PRDM10: variants seen among roughly 807,000 people sequenced by gnomAD.
PRDM10 encodes PR/SET domain 10.
PRDM10 carries 65 observed loss-of-function variants against 133.1 expected under a neutral mutation model. The observed-to-expected ratio is 0.49, with a 90% CI of 0.40 to 0.60. The LOEUF (loss-of-function observed/expected upper bound fraction) is 0.60. Ranked by LOEUF, PRDM10 falls within the 20% of genes least tolerant of loss-of-function variation. The pLI, the probability that PRDM10 is intolerant of heterozygous loss-of-function variation, is 0.00. For missense variants in PRDM10, 1,137 were observed against 1,507.1 expected, an observed-to-expected ratio of 0.75 and a Z score of 4.07; for synonymous variants, 582 against 580.4, an observed-to-expected ratio of 1.00 and a Z score of -0.04.
chr11:129,932,019 G>C lies in PRDM10; in HGVS notation c.1287+83C>G, dbSNP rs1950883785. On this transcript the variant is annotated intron_variant, in intron 10 of 20. Transcript: ENST00000360871. Reference sequence around the variant, plus strand: ...GGAAAGGTCTACAAACATTGGGAAGGTCTTTGTACTTAGGTCTCGTCAGGG... The same window carrying C: ...GGAAAGGTCTACAAACATTGGGAAGCTCTTTGTACTTAGGTCTCGTCAGGG... 2.7e-6 allele frequency: 4 copies of C among 1,484,438 alleles called. No individual in the cohort carries two copies. The South Asian group carries it at 5.1e-5, about 19-fold the overall frequency. The allele number at this position is 1,484,438 out of a possible 1,614,324, so 92.0% of individuals were successfully genotyped here. A position where few individuals can be genotyped will look rare whatever the true frequency, so the allele number is the denominator to read the frequency against.
At chr11:129,906,309 C>G (rs998824857) in intron 19 of PRDM10, among the ~76,000 whole-genome samples, 1 of 152,100 alleles carries the variant, frequency 6.6e-6, no homozygotes, top group Non-Finnish European at 1.5e-5. Context: ...TCGTGTCTTC[C>G]CAGCACACAA....
intron 1 of PRDM10, among the ~76,000 whole-genome samples, chr11:130,001,241 G>C (rs1191286976): frequency 1.3e-5 from 2 of 152,004 alleles, no homozygotes; most frequent in Non-Finnish European, 2.9e-5. Flanking sequence ...AATAAGTACT[G>C]CTCATCAAAG....
intron 1 of PRDM10, among the ~76,000 whole-genome samples, chr11:129,966,332 G>C (rs182345765): frequency 1.3e-5 from 2 of 152,104 alleles, no homozygotes. Flanking sequence ...GTATTTCATC[G>C]AGTCTACAAA....
chr11:129,969,894 A>G (rs1951982418), intron 1 of PRDM10, among the ~76,000 whole-genome samples: 2 of 152,136 alleles, frequency 1.3e-5, no homozygotes, highest in African/African-American at 4.8e-5. Flanking sequence ...CACCTTCTAA[A>G]CTCATACTTA....
chr11:129,999,589 C>T (rs1939233928), intron 1 of PRDM10, among the ~76,000 whole-genome samples: 1 of 152,102 alleles, frequency 6.6e-6, no homozygotes, highest in African/African-American at 2.4e-5. Context: ...AACACTGCAA[C>T]AACAGGATGT....
intron 1 of PRDM10, among the ~76,000 whole-genome samples, chr11:129,985,191 G>T (rs1234517363): frequency 6.6e-6 from 1 of 151,994 alleles, no homozygotes; most frequent in African/African-American, 2.4e-5. Context: ...AACCCTCTTA[G>T]GATGAACTCT....
intron 11 of PRDM10, among the ~76,000 whole-genome samples, chr11:129,926,088 C>T (rs1950669875): frequency 5.3e-5 from 8 of 152,222 alleles, no homozygotes; most frequent in Admixed American, 5.2e-4. Context: ...CAACGTTAAG[C>T]TCATCACACT....
intron 11 of PRDM10, among the ~76,000 whole-genome samples, chr11:129,926,172 C>A (rs1227449469): frequency 6.6e-6 from 1 of 152,206 alleles, no homozygotes; most frequent in Admixed American, 6.5e-5. Flanking sequence ...GATTGGCCAT[C>A]TTGTAAATTC....
chr11:129,942,058 G>A (rs144022939), intron 7 of PRDM10, among the ~76,000 whole-genome samples: 2 of 152,182 alleles, frequency 1.3e-5, no homozygotes, highest in African/African-American at 4.8e-5. Context: ...ACCATGCTCG[G>A]CTAATTTTTG....
intron 10 of PRDM10, among the ~76,000 whole-genome samples, chr11:129,931,712 G>T (rs964109191): frequency 5.9e-5 from 9 of 151,412 alleles, no homozygotes; most frequent in Non-Finnish European, 1.2e-4. Flanking sequence ...GATTGCAGGC[G>T]CCCGCCACTG....
intron 13 of PRDM10, among the ~76,000 whole-genome samples, chr11:129,920,299 A>T (rs1950485637): frequency 6.6e-6 from 1 of 151,998 alleles, no homozygotes; most frequent in South Asian, 2.1e-4. Flanking sequence ...ACATCCCCCA[A>T]ACCAAATCCG....
At position 129,900,541 on chromosome 11, in the gene PRDM10, A is replaced by G. The variant is rs1949817172; in HGVS notation, c.*1772T>C. The G allele has an allele frequency of 6.6e-6, 1 of 152,652 alleles. No homozygotes were observed. The highest frequency in any genetic ancestry group is 1.5e-5 in the Non-Finnish European group (1 of 68,048). The allele number at this position is 152,652 out of a possible 1,614,324, so 9.5% of individuals were successfully genotyped here. A position where few individuals can be genotyped will look rare whatever the true frequency, so the allele number is the denominator to read the frequency against. ...GGGGAGATACCTTATGGTTCAAATT[A>G]AAAAGAACGTAACAGGGCCAAATTT... On this transcript the variant is annotated 3_prime_UTR_variant, in exon 21 of 21. Transcript: ENST00000360871.
intron 1 of PRDM10, among the ~76,000 whole-genome samples, chr11:129,980,382 G>A (rs11826707): frequency 0.15 from 22,200 of 152,080 alleles, 2,489 homozygotes; most frequent in East Asian, 0.46. Context: ...CAACAGCAGC[G>A]GTGGACTCTC....
Position 129,918,322 on chromosome 11 carries a change from C to T in PRDM10, c.2214+217G>A, listed in dbSNP as rs1256135692. On this transcript the variant is annotated intron_variant, in intron 14 of 20. Coordinates refer to ENST00000360871, the MANE Select transcript of PRDM10 (RefSeq NM_199437.2). This position sits in a 1 kb window ranked among gnomAD's most constrained non-coding sequence, Gnocchi z 5.3. ...AAAAGAAAAAGAAAAAGACCTCTTA[C>T]AAGAATTGATCCAAAAAGCAGCAAG... Among the ~76,000 whole-genome samples, 1 of 150,802 alleles carries T rather than the reference C, an allele frequency of 6.6e-6. No homozygotes were observed. Among genetic ancestry groups the T allele is most frequent in the Admixed American group, 6.6e-5 (1 of 15,092 alleles).
In PRDM10 at chr11:129,921,519, G is replaced by A. The variant is rs76824974; in HGVS notation, c.2034+1729C>T. ...GCATCTTAGAAGTAACAAGAACTTC[G>A]GGATTTATCTGCGTGAAGAGCTATT... On this transcript the variant is annotated intron_variant, in intron 13 of 20. Transcript: ENST00000360871. Among the ~76,000 whole-genome samples the A allele has an allele frequency of 9.5e-3, 1,437 of 152,016 alleles. 30 individuals carry two copies. Among genetic ancestry groups the A allele is most frequent in the African/African-American group, 0.033 (1,360 of 41,502 alleles).
At chr11:129,911,124 T>C (rs935262033) in intron 18 of PRDM10, among the ~76,000 whole-genome samples, 1 of 152,182 alleles carries the variant, frequency 6.6e-6, no homozygotes, top group Non-Finnish European at 1.5e-5. Context: ...ATAAACTCAA[T>C]GAAAAGCAAG....
intron 1 of PRDM10, among the ~76,000 whole-genome samples, chr11:129,978,558 G>A (rs1937919081): frequency 6.6e-6 from 1 of 152,204 alleles, no homozygotes; most frequent in Non-Finnish European, 1.5e-5. Flanking sequence ...GAAAACACAG[G>A]ATGACAGAAA....
intron 19 of PRDM10, among the ~76,000 whole-genome samples, chr11:129,907,724 A>G (rs940885553): frequency 2.0e-5 from 3 of 152,044 alleles, no homozygotes; most frequent in African/African-American, 7.2e-5. Context: ...CTATTTTTTA[A>G]AAAATTTCTG....
At chr11:129,997,118 G>A (rs940790012) in intron 1 of PRDM10, among the ~76,000 whole-genome samples, 1 of 152,188 alleles carries the variant, frequency 6.6e-6, no homozygotes, top group Non-Finnish European at 1.5e-5. Context: ...TGTCAACGGT[G>A]CAAACGTGGA....
Sources: allele counts gnomAD v4.1 joint callset (sites outside exome capture counted in the v4.1 genomes callset), GRCh38; gene constraint gnomAD v4.1.1; non-coding constraint Gnocchi (gnomAD v3.1); transcripts MANE v1.5; gene names NCBI Gene and HGNC (gene_info 2026-07-23, HGNC 2026-07-21).